FANCL: variants seen among roughly 807,000 people sequenced by gnomAD.
FANCL encodes FA complementation group L.
A neutral mutation model predicts 59.4 loss-of-function variants in FANCL; 69 were observed. That is an observed-to-expected ratio of 1.16 (90% CI 0.96 to 1.42). The LOEUF (loss-of-function observed/expected upper bound fraction) is 1.42. Among genes scored for constraint, FANCL ranks in the 40% most tolerant of loss-of-function variants. FANCL has a pLI of 0.00. For missense variants in FANCL, 519 were observed against 447.2 expected, an observed-to-expected ratio of 1.16 and a Z score of -1.45; for synonymous variants, 180 against 147.1, an observed-to-expected ratio of 1.22 and a Z score of -1.62.
chr2:58,159,943 A>G lies in FANCL; in HGVS notation c.1093-143T>C, dbSNP rs1430785847. The G allele has an allele frequency of 7.9e-6, 12 of 1,526,270 alleles. No individual in the cohort carries two copies. In the African/African-American group the frequency reaches 1.4e-4, roughly 18 times the overall value. 94.5% of individuals were successfully genotyped at this position (1,526,270 alleles called of 1,614,324 possible). A position where few individuals can be genotyped will look rare whatever the true frequency, so the allele number is the denominator to read the frequency against. On this transcript the variant is annotated intron_variant, in intron 13 of 13. Coordinates refer to ENST00000233741, the MANE Select transcript of FANCL (RefSeq NM_018062.4). ...AAGTTTCAGATCACCTAGGAAATCT[A>G]GAAAAGGAGTTTAATGTTTTTGATC...
At chr2:58,239,626 T>A (rs1385812414) in intron 1 of FANCL, among the ~76,000 whole-genome samples, 1 of 152,204 alleles carries the variant, frequency 6.6e-6, no homozygotes, top group Non-Finnish European at 1.5e-5. Context: ...TATCATTAAA[T>A]ATCCTGATTT....
At chr2:58,190,526 G>T (rs1412646177) in intron 7 of FANCL, among the ~76,000 whole-genome samples, 2 of 139,990 alleles carry the variant, frequency 1.4e-5, no homozygotes, top group Non-Finnish European at 3.1e-5. Flanking sequence ...AAAGAAAAAA[G>T]AAAAAAGACT....
At chr2:58,225,510 C>G (rs1692915146) in intron 4 of FANCL, among the ~76,000 whole-genome samples, 1 of 151,920 alleles carries the variant, frequency 6.6e-6, no homozygotes, top group South Asian at 2.1e-4. Flanking sequence ...CATTAGGTGA[C>G]AGTCTGATGG....
chr2:58,207,970 G>A (rs1311022596), intron 5 of FANCL, among the ~76,000 whole-genome samples: 2 of 152,160 alleles, frequency 1.3e-5, no homozygotes, highest in Non-Finnish European at 2.9e-5. Context: ...GAGGCAGAAG[G>A]TTTGCTTGAG....
intron 6 of FANCL, among the ~76,000 whole-genome samples, chr2:58,201,708 C>A (rs549239716): frequency 4.5e-4 from 68 of 151,952 alleles, no homozygotes; most frequent in Non-Finnish European, 8.8e-4. Flanking sequence ...CCTATAAAAA[C>A]CAAAAAATTT....
chr2:58,165,494 AATG>A (rs1218013347), intron 8 of FANCL, among the ~76,000 whole-genome samples: 4 of 152,110 alleles, frequency 2.6e-5, no homozygotes, highest in African/African-American at 9.7e-5. Flanking sequence ...TCTACTTCTG[AATG>A]TTACCTCCAT....
chr2:58,185,295 G>A (rs1688293195), intron 7 of FANCL, among the ~76,000 whole-genome samples: 1 of 152,086 alleles, frequency 6.6e-6, no homozygotes, highest in African/African-American at 2.4e-5. Flanking sequence ...GAAATTCTCT[G>A]CACCTAAATC....
At chr2:58,223,535 G>GT (rs1383034247) in intron 4 of FANCL, among the ~76,000 whole-genome samples, 2 of 151,860 alleles carry the variant, frequency 1.3e-5, no homozygotes, top group East Asian at 1.9e-4. Context: ...TCTGAGTCAG[G>GT]TAAGTTACTC....
In FANCL at chr2:58,204,227, C is replaced by T. The variant is rs1422921246; in HGVS notation, c.375-1G>A. On this transcript the variant is annotated splice_acceptor_variant, in intron 5 of 13. Coordinates refer to ENST00000233741, the MANE Select transcript of FANCL (RefSeq NM_018062.4). LOFTEE classifies it high-confidence loss of function. ...GAAGCAGGTATCCGCATACACAAGT[C>T]TGGTGAGCAGAGGAGAATAAAAAAT... The T allele has an allele frequency of 6.2e-7, 1 of 1,611,552 alleles. No individual in the cohort carries two copies. The highest frequency in any genetic ancestry group is 8.5e-7 in the Non-Finnish European group (1 of 1,177,854).
intron 7 of FANCL, 62 bp from the exon 8 acceptor site, chr2:58,165,936 T>G (rs1230226534): frequency 1.3e-6 from 2 of 1,521,770 alleles, no homozygotes; most frequent in Admixed American, 3.4e-5. Context: ...GATAATCTTT[T>G]ACTTAAAATA....
In FANCL at chr2:58,159,525, C is replaced by T; in HGVS notation, c.*240G>A. 6.2e-7 allele frequency: 1 copy of T among 1,613,760 alleles called. No individual in the cohort carries two copies. Among genetic ancestry groups the T allele is most frequent in the Non-Finnish European group, 8.5e-7 (1 of 1,179,774 alleles). On this transcript the variant is annotated 3_prime_UTR_variant, in exon 14 of 14. Transcript: ENST00000233741. ...CAAGATCTCCATCTTGGTATAAATA[C>T]ACTTCCACAGTCAGCACGGGGATCA...
intron 7 of FANCL, among the ~76,000 whole-genome samples, chr2:58,169,669 G>A (rs1198227768): frequency 6.6e-6 from 1 of 151,770 alleles, no homozygotes; most frequent in East Asian, 1.9e-4. Flanking sequence ...AAAGTTAGAG[G>A]AATTGCTAAC....
At chr2:58,220,122 T>C (rs1355749986) in intron 5 of FANCL, among the ~76,000 whole-genome samples, 2 of 152,192 alleles carry the variant, frequency 1.3e-5, no homozygotes, top group African/African-American at 4.8e-5. Context: ...TTACATGCAA[T>C]CGCGATTTTA....
intron 6 of FANCL, among the ~76,000 whole-genome samples, chr2:58,201,373 T>G (rs1558786966): frequency 6.7e-6 from 1 of 150,278 alleles, no homozygotes; most frequent in African/African-American, 2.4e-5. Context: ...AATCAATAAC[T>G]AAAAAAAAAG....
intron 5 of FANCL, among the ~76,000 whole-genome samples, chr2:58,207,648 A>G (rs1313976201): frequency 1.3e-5 from 2 of 152,164 alleles, no homozygotes; most frequent in African/African-American, 2.4e-5. Flanking sequence ...AATAGAGACT[A>G]TTTGTATCAA....
intron 7 of FANCL, among the ~76,000 whole-genome samples, chr2:58,180,145 A>AT (rs1270086274): frequency 6.6e-6 from 1 of 152,200 alleles, no homozygotes; most frequent in Non-Finnish European, 1.5e-5. Context: ...TAGTTCAACC[A>AT]TTGTGGAAGA....
chr2:58,213,458 A>G (rs1691383981), intron 5 of FANCL: 1 of 152,272 alleles, frequency 6.6e-6, no homozygotes, highest in African/African-American at 2.4e-5. Context: ...TAACACAAAC[A>G]GAATTATCTT....
intron 4 of FANCL, among the ~76,000 whole-genome samples, chr2:58,224,042 T>C (rs1370584136): frequency 6.6e-6 from 1 of 151,872 alleles, no homozygotes; most frequent in African/African-American, 2.4e-5. Flanking sequence ...AATACAGGAT[T>C]TCATTTTTAT....
At chr2:58,196,199 T>C (rs998057968) in intron 7 of FANCL, among the ~76,000 whole-genome samples, 6 of 152,186 alleles carry the variant, frequency 3.9e-5, no homozygotes, top group East Asian at 1.9e-4. Flanking sequence ...ATACCAATTT[T>C]GGGTAAACAG....
Sources: allele counts gnomAD v4.1 joint callset (sites outside exome capture counted in the v4.1 genomes callset), GRCh38; gene constraint gnomAD v4.1.1; transcripts MANE v1.5; gene names NCBI Gene and HGNC (gene_info 2026-07-23, HGNC 2026-07-21).